TBCK: variants seen among roughly 807,000 people sequenced by gnomAD.
TBCK encodes the protein TBC domain-containing protein kinase-like protein.
A neutral mutation model predicts 113.4 loss-of-function variants in TBCK; 99 were observed. The observed-to-expected ratio is 0.87, with a 90% CI of 0.74 to 1.03. The LOEUF (loss-of-function observed/expected upper bound fraction) is 1.03. TBCK is among the 50% of genes least tolerant of loss of function. The probability of loss-of-function intolerance (pLI) is 0.00; values close to 1 mark genes in which losing one functional copy is unlikely to be tolerated. For synonymous variants in TBCK, 369 were observed against 370.8 expected, an observed-to-expected ratio of 1.00 and a Z score of 0.05; for missense variants, 1,045 against 1,061.3, an observed-to-expected ratio of 0.98 and a Z score of 0.21.
At chr4:106,274,386 T>C (rs772139682) in intron 3 of TBCK, among the ~76,000 whole-genome samples, 3 of 152,190 alleles carry the variant, frequency 2.0e-5, no homozygotes, top group Non-Finnish European at 4.4e-5. Flanking sequence ...TGAATGTTCA[T>C]GGCAAAATTA....
intron 20 of TBCK, among the ~76,000 whole-genome samples, chr4:106,197,403 GTGTGTGTGTATA>G (rs1227926556): frequency 1.1e-4 from 12 of 110,928 alleles, no homozygotes; most frequent in African/African-American, 3.2e-4. Context: ...GTGTGTGTGT[GTGTGTGTGTATA>G]TATATATATA....
chr4:106,220,975 A>T (rs966356841), intron 19 of TBCK, among the ~76,000 whole-genome samples: 1 of 152,226 alleles, frequency 6.6e-6, no homozygotes, highest in African/African-American at 2.4e-5. Context: ...GCTTCATTTT[A>T]AAACAGAAAT....
At chr4:106,257,415 T>C (rs1434360377) in intron 5 of TBCK, among the ~76,000 whole-genome samples, 1 of 152,182 alleles carries the variant, frequency 6.6e-6, no homozygotes, top group Admixed American at 6.5e-5. Flanking sequence ...TCTATTTTTC[T>C]TCCTACCTTT....
intron 23 of TBCK, among the ~76,000 whole-genome samples, chr4:106,169,358 A>T (rs1750742244): frequency 6.6e-6 from 1 of 152,100 alleles, no homozygotes; most frequent in South Asian, 2.1e-4. Flanking sequence ...AACATCAATG[A>T]AAAAGAATAG....
At chr4:106,108,793 C>T (rs925986170) in intron 24 of TBCK, among the ~76,000 whole-genome samples, 6 of 152,028 alleles carry the variant, frequency 3.9e-5, no homozygotes, top group Non-Finnish European at 5.9e-5. Flanking sequence ...AAAGCTCATT[C>T]GAATAGGAAG....
intron 23 of TBCK, among the ~76,000 whole-genome samples, chr4:106,162,618 G>T (rs1188604552): frequency 6.6e-6 from 1 of 152,116 alleles, no homozygotes; most frequent in East Asian, 1.9e-4. Context: ...CTCAAACCTC[G>T]ATTTTTGACT....
At chr4:106,141,409 C>T (rs1463216798) in intron 23 of TBCK, among the ~76,000 whole-genome samples, 2 of 139,746 alleles carry the variant, frequency 1.4e-5, no homozygotes, top group African/African-American at 5.0e-5. Flanking sequence ...ACTCAATCCT[C>T]CCAATAATCC....
intron 19 of TBCK, among the ~76,000 whole-genome samples, chr4:106,223,172 T>A (rs1223042436): frequency 6.6e-6 from 1 of 152,132 alleles, no homozygotes; most frequent in Admixed American, 6.5e-5. Context: ...TGCACATATA[T>A]TAAAAGTAAT....
chr4:106,289,407 A>G (rs1765441102), intron 3 of TBCK, among the ~76,000 whole-genome samples: 2 of 152,202 alleles, frequency 1.3e-5, no homozygotes, highest in South Asian at 4.1e-4. Flanking sequence ...CAAGAAATCT[A>G]CCATTTAAAC....
At chr4:106,288,621 G>A (rs147805365) in intron 3 of TBCK, among the ~76,000 whole-genome samples, 203 of 152,120 alleles carry the variant, frequency 1.3e-3, no homozygotes, top group Non-Finnish European at 2.4e-3. Context: ...TTCTATCACC[G>A]AAGATAAATA....
chr4:106,304,668 T>C (rs754793759), intron 2 of TBCK, among the ~76,000 whole-genome samples: 9 of 152,192 alleles, frequency 5.9e-5, no homozygotes, highest in Non-Finnish European at 8.8e-5. Context: ...AAAATCAGAA[T>C]ATGCCATCTC....
chr4:106,260,794 G>C (rs966124241), intron 4 of TBCK, among the ~76,000 whole-genome samples: 1 of 151,750 alleles, frequency 6.6e-6, no homozygotes, highest in Non-Finnish European at 1.5e-5. Context: ...CTGTTACATT[G>C]TCTAGTTATT....
At chr4:106,272,417 G>A (rs367926625) in intron 3 of TBCK, among the ~76,000 whole-genome samples, 15 of 151,250 alleles carry the variant, frequency 9.9e-5, no homozygotes, top group African/African-American at 3.2e-4. Context: ...TTCTTTTGAC[G>A]CTGATGACAA....
intron 3 of TBCK, among the ~76,000 whole-genome samples, chr4:106,274,268 G>A (rs369126723): frequency 7.9e-5 from 12 of 152,304 alleles, no homozygotes; most frequent in African/African-American, 2.9e-4. Context: ...GTAAGTGGTA[G>A]GGCTATCTTT....
At chr4:106,154,975 T>C (rs1382133665) in intron 23 of TBCK, among the ~76,000 whole-genome samples, 1 of 152,038 alleles carries the variant, frequency 6.6e-6, no homozygotes, top group Non-Finnish European at 1.5e-5. Context: ...AACCCTCAGA[T>C]AATCTATTAC....
chr4:106,089,279 G>A (rs1464940118), intron 25 of TBCK, among the ~76,000 whole-genome samples: 1 of 152,068 alleles, frequency 6.6e-6, no homozygotes, highest in Non-Finnish European at 1.5e-5. Context: ...AGCAGAGCAA[G>A]AACTCACTTA....
intron 19 of TBCK, among the ~76,000 whole-genome samples, chr4:106,215,291 G>C (rs182840585): frequency 6.6e-6 from 1 of 151,748 alleles, no homozygotes; most frequent in African/African-American, 2.4e-5. Context: ...TCGAGACTAC[G>C]AAGAAACTGC....
intron 23 of TBCK, among the ~76,000 whole-genome samples, chr4:106,143,686 G>A (rs1353125977): frequency 6.6e-5 from 10 of 152,132 alleles, no homozygotes; most frequent in African/African-American, 1.2e-4. Context: ...AGGCCAAGGC[G>A]GGCGGACCAC....
chr4:106,074,903 G>A (rs764200302), intron 25 of TBCK, among the ~76,000 whole-genome samples: 1 of 152,176 alleles, frequency 6.6e-6, no homozygotes, highest in Non-Finnish European at 1.5e-5. Flanking sequence ...TGGAGGGAAG[G>A]GCACAGCAGG....
Sources: gnomAD v4.1 joint callset for allele counts (sites outside exome capture counted in the v4.1 genomes callset) on GRCh38, gnomAD v4.1.1 for gene constraint, MANE v1.5 for transcripts, NCBI Gene and HGNC (gene_info 2026-07-23, HGNC 2026-07-21) for gene names.